The following TFEC variants were observed in gnomAD, a reference collection of about 807,000 sequenced individuals.
The protein encoded by TFEC is transcription factor EC.
TFEC carries 31 observed loss-of-function variants against 41.6 expected under a neutral mutation model. The observed-to-expected ratio is 0.74, with a 90% CI of 0.56 to 1.01. TFEC has a LOEUF of 1.01. Among genes scored for constraint, TFEC ranks in the 50% least tolerant of loss-of-function variants. The probability of loss-of-function intolerance (pLI) is 0.00; values close to 1 mark genes in which losing one functional copy is unlikely to be tolerated. For synonymous variants in TFEC, 143 were observed against 140.6 expected (o/e 1.02, Z -0.12); for missense variants, 402 against 404.1 (o/e 0.99, Z 0.04).
chr7:116,058,765 AATAAT>A (rs1375647904), intron 3 of TFEC, among the ~76,000 whole-genome samples: 3 of 151,862 alleles, frequency 2.0e-5, no homozygotes, highest in Non-Finnish European at 3.0e-5. Context: ...TTTAGAGCAA[AATAAT>A]ATAATATACT....
chr7:116,068,217 A>G (rs554459662), intron 3 of TFEC, among the ~76,000 whole-genome samples: 31 of 151,958 alleles, frequency 2.0e-4, no homozygotes, highest in Admixed American at 2.0e-3. Flanking sequence ...GGAGACTTGG[A>G]AATCCCATGT....
At chr7:116,141,529 C>T (rs1177578961) in intron 1 of TFEC, among the ~76,000 whole-genome samples, 1 of 152,100 alleles carries the variant, frequency 6.6e-6, no homozygotes, top group African/African-American at 2.4e-5. Flanking sequence ...AGACAGAGTC[C>T]CTTGGGTATG....
chr7:115,966,697 A>G (rs1295908267), intron 3 of TFEC, among the ~76,000 whole-genome samples: 1 of 151,768 alleles, frequency 6.6e-6, no homozygotes, highest in Non-Finnish European at 1.5e-5. Flanking sequence ...CTTGCCTTTA[A>G]AACTTTTAGT....
intron 3 of TFEC, among the ~76,000 whole-genome samples, chr7:116,090,695 T>C (rs1191287998): frequency 1.3e-5 from 2 of 152,146 alleles, no homozygotes; most frequent in Non-Finnish European, 2.9e-5. Context: ...TCTGAAAATA[T>C]ATTAGTTCAA....
chr7:115,999,505 A>G (rs1309021342), intron 1 of TFEC, among the ~76,000 whole-genome samples: 3 of 152,016 alleles, frequency 2.0e-5, no homozygotes, highest in Non-Finnish European at 4.4e-5. Context: ...TTTAAATGAA[A>G]GAAACCATAC....
chr7:116,064,082 G>A (rs537777749), intron 3 of TFEC, among the ~76,000 whole-genome samples: 36 of 152,208 alleles, frequency 2.4e-4, no homozygotes, highest in Middle Eastern at 3.4e-3. Context: ...GATGGAGCGG[G>A]GGGGCAGTTA....
chr7:116,041,321 C>A (rs548392473), intron 3 of TFEC, among the ~76,000 whole-genome samples: 1 of 151,552 alleles, frequency 6.6e-6, no homozygotes, highest in South Asian at 2.1e-4. Flanking sequence ...AACAAAACTG[C>A]TAGAGAGAGA....
At chr7:116,104,063 A>T (rs1797663382) in intron 3 of TFEC, among the ~76,000 whole-genome samples, 1 of 152,186 alleles carries the variant, frequency 6.6e-6, no homozygotes, top group South Asian at 2.1e-4. Context: ...ACAGGTCAAT[A>T]ATAGTGAAGA....
chr7:116,083,319 A>G (rs1014280259), intron 3 of TFEC, among the ~76,000 whole-genome samples: 4 of 151,884 alleles, frequency 2.6e-5, no homozygotes, highest in Admixed American at 2.0e-4. Context: ...CATGCCTTAC[A>G]TAAGAACCAA....
intron 3 of TFEC, among the ~76,000 whole-genome samples, chr7:116,053,054 G>C (rs921246580): frequency 4.5e-4 from 69 of 151,800 alleles, no homozygotes; most frequent in African/African-American, 1.5e-3. Flanking sequence ...CATGGGCGAC[G>C]GAGCGAGACT....
intron 1 of TFEC, among the ~76,000 whole-genome samples, chr7:116,152,624 T>C (rs1199751150): frequency 6.6e-6 from 1 of 152,146 alleles, no homozygotes; most frequent in Non-Finnish European, 1.5e-5. Context: ...AAATATTATA[T>C]TACACAGGAC....
chr7:116,124,549 A>C (rs1798173256), intron 1 of TFEC, among the ~76,000 whole-genome samples: 1 of 152,156 alleles, frequency 6.6e-6, no homozygotes, highest in South Asian at 2.1e-4. Flanking sequence ...AATATTAAAT[A>C]ATCTACTCAA....
intron 3 of TFEC, among the ~76,000 whole-genome samples, chr7:116,100,427 C>A (rs896255824): frequency 6.6e-6 from 1 of 152,046 alleles, no homozygotes; most frequent in Non-Finnish European, 1.5e-5. Flanking sequence ...TGAAAAACAT[C>A]CCATTTTTCA....
chr7:116,024,363 G>A (rs1180910711), intron 1 of TFEC, among the ~76,000 whole-genome samples: 1 of 152,146 alleles, frequency 6.6e-6, no homozygotes, highest in East Asian at 1.9e-4. Context: ...AAGGGTCCTA[G>A]AAAAGACTGT....
intron 1 of TFEC, among the ~76,000 whole-genome samples, chr7:116,133,495 C>A (rs554509263): frequency 4.0e-5 from 6 of 151,638 alleles, no homozygotes; most frequent in African/African-American, 7.3e-5. Context: ...GAGATCACGC[C>A]CCTGCACTCC....
chr7:116,082,909 C>A (rs899699132), intron 3 of TFEC, among the ~76,000 whole-genome samples: 2 of 151,830 alleles, frequency 1.3e-5, no homozygotes, highest in Non-Finnish European at 2.9e-5. Context: ...CCAACTCAGT[C>A]TATCTCCTGT....
intron 3 of TFEC, among the ~76,000 whole-genome samples, chr7:115,972,230 C>T (rs1345309669): frequency 6.6e-6 from 1 of 152,044 alleles, no homozygotes; most frequent in Non-Finnish European, 1.5e-5. Context: ...AAAGGACTTC[C>T]AAAAATTCTC....
rs1412646205 is a variant in TFEC, at chr7:116,060,684, A to G, written c.198+50024T>C. ...ATAAGAAATTATAACACAAAGAAGGAAAGAACAGACCCTGGGGTCTACATG... is the reference window on the plus strand; with the variant it reads ...ATAAGAAATTATAACACAAAGAAGGGAAGAACAGACCCTGGGGTCTACATG... On this transcript the variant is annotated intron_variant, in intron 3 of 8. Transcript: ENST00000484212. Among the ~76,000 whole-genome samples, 8 of 152,048 alleles carry G rather than the reference A, an allele frequency of 5.3e-5. 1 individual carries two copies. Among genetic ancestry groups the G allele is most frequent in the Admixed American group, 3.3e-4 (5 of 15,252 alleles).
chr7:115,950,231 T>C lies in TFEC; in HGVS notation c.515+643A>G, dbSNP rs147677699. 3.8e-3 allele frequency among the ~76,000 whole-genome samples: 575 copies of C among 152,100 alleles called. 2 individuals are homozygous for C. The highest frequency in any genetic ancestry group is 0.013 in the African/African-American group (557 of 41,516). On this transcript the variant is annotated intron_variant, in intron 6 of 7. Transcript: ENST00000265440. ...TTCACCATGTTGGCCAGGATGGTCT[T>C]AAACTCCTGACCTCAAGTGATCTGC... is the stretch of plus-strand genomic sequence containing the variant.
Sources: gnomAD v4.1 joint callset for allele counts (sites outside exome capture counted in the v4.1 genomes callset) on GRCh38, gnomAD v4.1.1 for gene constraint, MANE v1.5 for transcripts, NCBI Gene and HGNC (gene_info 2026-07-23, HGNC 2026-07-21) for gene names.